FGF10: variants seen among roughly 807,000 people sequenced by gnomAD.
FGF10 encodes fibroblast growth factor 10, also known as FGF-10.
A neutral mutation model predicts 19.8 loss-of-function variants in FGF10; 2 were observed. The observed-to-expected ratio is 0.10, with a 90% CI of 0.04 to 0.32. The LOEUF (loss-of-function observed/expected upper bound fraction) is 0.32, where lower values mean the gene tolerates loss of function less well. Ranked by LOEUF, FGF10 falls within the 10% of genes least tolerant of loss-of-function variation. FGF10 has a pLI of 1.00. For missense variants in FGF10, 191 were observed against 246.3 expected (o/e 0.78, Z 1.50); for synonymous variants, 112 against 94.0 (o/e 1.19, Z -1.10).
chr5:44,341,416 T>A (rs1448363569), intron 1 of FGF10, among the ~76,000 whole-genome samples: 1 of 151,958 alleles, frequency 6.6e-6, no homozygotes, highest in Non-Finnish European at 1.5e-5. Flanking sequence ...AGAAGAAATA[T>A]GATATGGTTT....
chr5:44,358,118 C>T (rs779236907), intron 1 of FGF10, among the ~76,000 whole-genome samples: 6 of 151,438 alleles, frequency 4.0e-5, no homozygotes, highest in Non-Finnish European at 7.4e-5. Context: ...TACATAAGAA[C>T]ATTATGGTTA....
intron 1 of FGF10, among the ~76,000 whole-genome samples, chr5:44,321,685 A>C (rs762574952): frequency 3.7e-4 from 57 of 152,228 alleles, no homozygotes; most frequent in Non-Finnish European, 3.8e-4. Flanking sequence ...GATTAAAATT[A>C]TCAACCACAT....
In FGF10 at chr5:44,304,333, C is replaced by A. The variant is rs3087743; in HGVS notation, c.*662G>T. On this transcript the variant is annotated 3_prime_UTR_variant, in exon 3 of 3. Coordinates refer to ENST00000264664, the MANE Select transcript of FGF10 (RefSeq NM_004465.2). The stretch of plus-strand genomic sequence containing the variant: ...CAGCTGCTGAGATACTCTTTAAAAC[C>A]CCAAAAGATATTTAACATCCTATTA... 18,371 of 152,178 alleles carry A rather than the reference C, an allele frequency of 0.12. 1,319 individuals carry two copies. The highest frequency in any genetic ancestry group is 0.16 in the Non-Finnish European group (11,037 of 68,124). 9.4% of individuals were successfully genotyped at this position (152,178 alleles called of 1,614,324 possible). A position where few individuals can be genotyped will look rare whatever the true frequency, so the allele number is the denominator to read the frequency against.
At chr5:44,314,401 G>A (rs907322149) in intron 1 of FGF10, among the ~76,000 whole-genome samples, 2 of 151,962 alleles carry the variant, frequency 1.3e-5, no homozygotes, top group Non-Finnish European at 2.9e-5. Flanking sequence ...GTAAATAGTA[G>A]CAATCTATAA....
At chr5:44,342,919 A>G (rs1487181699) in intron 1 of FGF10, among the ~76,000 whole-genome samples, 1 of 151,976 alleles carries the variant, frequency 6.6e-6, no homozygotes, top group Non-Finnish European at 1.5e-5. Context: ...CCCCAAATGC[A>G]TCACATAGTT....
rs771316349 is a variant in FGF10 at position 44,310,540 on chromosome 5, A to G, written c.326-10T>C. On this transcript the variant is annotated splice_polypyrimidine_tract_variant and intron_variant, in intron 1 of 2. Transcript: ENST00000264664. ...GTTATCTCCAGGATGCCTAAAACAT[A>G]CAATTTTAAAAGGCTAAATAAAGAA... 16 of 1,574,168 alleles carry G rather than the reference A, an allele frequency of 1.0e-5. No individual in the cohort carries two copies. The highest frequency in any genetic ancestry group is 1.4e-5 in the Non-Finnish European group (16 of 1,144,656).
chr5:44,330,007 T>A (rs780702789), intron 1 of FGF10, among the ~76,000 whole-genome samples: 1 of 152,208 alleles, frequency 6.6e-6, no homozygotes, highest in African/African-American at 2.4e-5. Context: ...TTTTCATTCA[T>A]AAGCTGTCCT....
At chr5:44,384,199 G>A (rs1213073630) in intron 1 of FGF10, among the ~76,000 whole-genome samples, 2 of 152,002 alleles carry the variant, frequency 1.3e-5, no homozygotes, top group Non-Finnish European at 2.9e-5. Context: ...GCCCTCAGCT[G>A]TAAACAATTA....
In FGF10 at chr5:44,388,931, G is replaced by A; in HGVS notation, c.-249C>T. ...GCCTCCCGGTAAATGGTGGACGTGG[G>A]TGGCCGCAGCAGCAGGAGCTGGTGG... On this transcript the variant is annotated 5_prime_UTR_variant, in exon 1 of 3. Coordinates refer to ENST00000264664, the MANE Select transcript of FGF10 (RefSeq NM_004465.2). The A allele has an allele frequency of 1.7e-6, 1 of 581,254 alleles. No homozygotes were observed. The highest frequency in any genetic ancestry group is 2.9e-5 in the East Asian group (1 of 34,044). The allele number at this position is 581,254 out of a possible 1,614,324, so 36.0% of individuals were successfully genotyped here. A position where few individuals can be genotyped will look rare whatever the true frequency, so the allele number is the denominator to read the frequency against.
chr5:44,308,799 G>T (rs1216734835), intron 2 of FGF10, among the ~76,000 whole-genome samples: 1 of 152,116 alleles, frequency 6.6e-6, no homozygotes, highest in Non-Finnish European at 1.5e-5. Context: ...TCTACATCCA[G>T]ACCAGCGGTT....
chr5:44,374,943 A>G (rs1381013633), intron 1 of FGF10, among the ~76,000 whole-genome samples: 2 of 152,198 alleles, frequency 1.3e-5, no homozygotes, highest in Non-Finnish European at 2.9e-5. Context: ...TTAAATAATG[A>G]TAGCCCTACT....
At chr5:44,378,050 T>C (rs1257272315) in intron 1 of FGF10, among the ~76,000 whole-genome samples, 1 of 151,332 alleles carries the variant, frequency 6.6e-6, no homozygotes, top group African/African-American at 2.4e-5. Flanking sequence ...GTAAACAACA[T>C]GACATACCAC....
At chr5:44,350,233 C>T (rs78537619) in intron 1 of FGF10, among the ~76,000 whole-genome samples, 3,437 of 150,460 alleles carry the variant, frequency 0.023, 156 homozygotes, top group African/African-American at 0.079. Flanking sequence ...TAAGATATAA[C>T]TAGAAGTCAG....
At position 44,317,298 on chromosome 5, in the gene FGF10, T is replaced by C. The variant is rs17234401; in HGVS notation, c.326-6768A>G. Among the ~76,000 whole-genome samples the C allele has an allele frequency of 5.3e-5, 8 of 152,328 alleles. No homozygotes were observed. In the South Asian group the frequency reaches 1.7e-3, roughly 32 times the overall value. The stretch of plus-strand genomic sequence containing the variant: ...ATTTGCAGAAAATCCTTTCTATCTC[T>C]GGATAAGATGATATATCTTTCACAG... On this transcript the variant is annotated intron_variant, in intron 1 of 2. Transcript: ENST00000264664.
At chr5:44,365,314 CT>C (rs1741580023) in intron 1 of FGF10, among the ~76,000 whole-genome samples, 1 of 128,348 alleles carries the variant, frequency 7.8e-6, no homozygotes, top group African/African-American at 3.0e-5. Context: ...CCTCATGTCT[CT>C]TTTCTGGTGG....
chr5:44,367,316 C>A (rs1318492553), intron 1 of FGF10, among the ~76,000 whole-genome samples: 1 of 151,890 alleles, frequency 6.6e-6, no homozygotes, highest in Non-Finnish European at 1.5e-5. Context: ...AAGAAGAGAT[C>A]TTTTTTTGTT....
At chr5:44,376,498 A>AC (rs1741861115) in intron 1 of FGF10, among the ~76,000 whole-genome samples, 1 of 109,700 alleles carries the variant, frequency 9.1e-6, no homozygotes, top group East Asian at 2.1e-4. Context: ...GCCAAAAAAA[A>AC]AAAAAAAAAA....
At chr5:44,374,309 A>T (rs1741807630) in intron 1 of FGF10, among the ~76,000 whole-genome samples, 1 of 152,146 alleles carries the variant, frequency 6.6e-6, no homozygotes, top group South Asian at 2.1e-4. Flanking sequence ...CTACCTGGAC[A>T]ATGACAATAA....
intron 1 of FGF10, among the ~76,000 whole-genome samples, chr5:44,349,449 T>TATATATATATATATATCAGA: frequency 6.3e-5 from 1 of 15,786 alleles, no homozygotes; most frequent in Admixed American, 5.7e-4. Context: ...TATATATATA[T>TATATATATATATATATCAGA]ATATATATAT....
Sources: gnomAD v4.1 joint callset for allele counts (sites outside exome capture counted in the v4.1 genomes callset) on GRCh38, gnomAD v4.1.1 for gene constraint, MANE v1.5 for transcripts, NCBI Gene and HGNC (gene_info 2026-07-23, HGNC 2026-07-21) for gene names.